The following SSR1 variants were observed in gnomAD, a reference collection of about 807,000 sequenced individuals.
The protein encoded by SSR1 is translocon-associated protein subunit alpha.
Under a neutral mutation model 36.1 loss-of-function variants are expected in SSR1, and 13 were observed. The observed-to-expected ratio is 0.36, with a 90% CI of 0.23 to 0.57. The LOEUF (loss-of-function observed/expected upper bound fraction) is 0.57. Among genes scored for constraint, SSR1 ranks in the 20% least tolerant of loss-of-function variants. The pLI is 0.81. For missense variants in SSR1, 291 were observed against 338.5 expected, an observed-to-expected ratio of 0.86 and a Z score of 1.10; for synonymous variants, 113 against 118.9, an observed-to-expected ratio of 0.95 and a Z score of 0.32.
At chr6:7,293,677 G>A (rs1217358587) in intron 7 of SSR1, among the ~76,000 whole-genome samples, 1 of 152,126 alleles carries the variant, frequency 6.6e-6, no homozygotes, top group Non-Finnish European at 1.5e-5. Flanking sequence ...GCCTCCCAAA[G>A]TGCTGGGATT....
Position 7,313,122 on chromosome 6 carries a change from G to C in SSR1, c.-2C>G. 1 of 1,603,172 alleles carries C rather than the reference G, an allele frequency of 6.2e-7. No homozygotes were observed. Among genetic ancestry groups the C allele is most frequent in the Non-Finnish European group, 8.5e-7 (1 of 1,174,696 alleles). ...CAGCAAGCGGGGGAGGAGTCTCATG[G>C]CGCTGCCGGTCCAGTGTCCAGTTTC... On this transcript the variant is annotated 5_prime_UTR_variant, in exon 1 of 8. Coordinates refer to ENST00000244763, the MANE Select transcript of SSR1 (RefSeq NM_003144.5).
intron 7 of SSR1, among the ~76,000 whole-genome samples, chr6:7,292,209 C>A (rs1561829515): frequency 6.6e-6 from 1 of 152,204 alleles, no homozygotes; most frequent in Admixed American, 6.6e-5. Flanking sequence ...ATCTGGGAGT[C>A]CCAAAGGTTT....
intron 1 of SSR1, among the ~76,000 whole-genome samples, chr6:7,311,530 C>T (rs1189019072): frequency 6.6e-6 from 1 of 152,190 alleles, no homozygotes; most frequent in Non-Finnish European, 1.5e-5. Context: ...GATTTCACTG[C>T]CTGCTGAACA....
chr6:7,298,482 G>C (rs1047371089), intron 5 of SSR1: 3 of 410,132 alleles, frequency 7.3e-6, no homozygotes, highest in Non-Finnish European at 1.3e-5. Flanking sequence ...TTATAAGCAT[G>C]AGGTAGAAAA....
intron 2 of SSR1, among the ~76,000 whole-genome samples, chr6:7,308,863 A>C (rs541710599): frequency 6.5e-4 from 99 of 152,364 alleles, no homozygotes; most frequent in African/African-American, 2.2e-3. Flanking sequence ...GAATAAAAAC[A>C]GAGTAAAAGC....
At chr6:7,293,399 C>T (rs1012423295) in intron 7 of SSR1, among the ~76,000 whole-genome samples, 6 of 151,902 alleles carry the variant, frequency 3.9e-5, no homozygotes, top group Non-Finnish European at 4.4e-5. Flanking sequence ...TATGCCTCTG[C>T]GTCCTCAGAG....
intron 4 of SSR1, among the ~76,000 whole-genome samples, chr6:7,299,555 G>A (rs1210637089): frequency 6.6e-6 from 1 of 151,960 alleles, no homozygotes; most frequent in Non-Finnish European, 1.5e-5. Context: ...AAAATTAGCC[G>A]GGTATGGTTG....
chr6:7,303,136 C>CT (rs1561833500), intron 3 of SSR1, among the ~76,000 whole-genome samples: 2 of 25,880 alleles, frequency 7.7e-5, no homozygotes, highest in Non-Finnish European at 1.2e-4. Context: ...GAGACTACAT[C>CT]TTAAAAAAAA....
Position 7,289,871 on chromosome 6 carries a change from T to C in SSR1, c.854A>G (p.Asp285Gly). 6.4e-7 allele frequency: 1 copy of C among 1,567,058 alleles called. No homozygotes were observed. Among genetic ancestry groups the C allele is most frequent in the Non-Finnish European group, 8.6e-7 (1 of 1,163,896 alleles). ...KRAQKRSVGS[D>G]E The stretch of plus-strand genomic sequence containing the variant: ...TGTTGCACAAAGGAACATTTACTCA[T>C]CAGATCCCACTGATCTCTTCTGTGC... Residue 285 changes from aspartate to glycine, a missense_variant, in exon 8 of 8, where the codon GAT becomes GGT. Physicochemically the swap from Asp to Gly is moderately conservative, Grantham distance 94. Transcript: ENST00000244763.
At chr6:7,298,650 C>G in intron 5 of SSR1, 97 bp downstream of exon 5, 1 of 858,138 alleles carries the variant, frequency 1.2e-6, no homozygotes, top group South Asian at 1.5e-5. Context: ...ACAGTTCATT[C>G]CATCGTCAAC....
chr6:7,309,343 T>G (rs1758137369), intron 2 of SSR1, among the ~76,000 whole-genome samples: 1 of 152,152 alleles, frequency 6.6e-6, no homozygotes, highest in Non-Finnish European at 1.5e-5. Context: ...ATGACGGTAG[T>G]CCTAGCTACT....
At chr6:7,301,796 A>G (rs1465283083) in intron 3 of SSR1, among the ~76,000 whole-genome samples, 1 of 152,182 alleles carries the variant, frequency 6.6e-6, no homozygotes, top group Non-Finnish European at 1.5e-5. Context: ...TAAGCATTCA[A>G]TAAGCGTCTC....
intron 1 of SSR1, among the ~76,000 whole-genome samples, chr6:7,310,806 G>C (rs564130743): frequency 2.6e-5 from 4 of 152,290 alleles, no homozygotes; most frequent in Admixed American, 6.5e-5. Context: ...AGCTACTCCA[G>C]AGGCTGAGGC....
chr6:7,301,387 A>G lies in SSR1; in HGVS notation c.466T>C (p.Tyr156His). The change falls in exon 4 of 8, where the codon TAC (tyrosine) becomes CAC (histidine). Residue 156 changes from tyrosine to histidine, a missense_variant. Physicochemically the swap from Tyr to His is moderately conservative, Grantham distance 83 (BLOSUM62 2). Coordinates refer to ENST00000244763, the MANE Select transcript of SSR1 (RefSeq NM_003144.5). ...ATGGGCTCTGCAGGAATGAAAGAGT[A>G]CTCAAAAGTTGCCTGTCTCTGGGGT... is the stretch of plus-strand genomic sequence containing the variant. ...VPPQRQATFE[Y>H]SFIPAEPMGG... The G allele has an allele frequency of 6.2e-7, 1 of 1,614,210 alleles. No individual in the cohort carries two copies. Among genetic ancestry groups the G allele is most frequent in the Admixed American group, 1.7e-5 (1 of 60,024 alleles).
At chr6:7,298,661 A>G (rs1412013334) in intron 5 of SSR1, 86 bp downstream of exon 5, 6 of 988,910 alleles carry the variant, frequency 6.1e-6, no homozygotes, top group Non-Finnish European at 9.6e-6. Flanking sequence ...CATCGTCAAC[A>G]TCTAAAACAA....
Position 7,284,816 on chromosome 6 carries a change from G to A in SSR1, c.*5048C>T, listed in dbSNP as rs1410606519. 1 of 151,722 alleles carries A rather than the reference G, an allele frequency of 6.6e-6. No homozygotes were observed. The highest frequency in any genetic ancestry group is 1.5e-5 in the Non-Finnish European group (1 of 67,976). The allele number at this position is 151,722 out of a possible 1,614,324, so 9.4% of individuals were successfully genotyped here. On this transcript the variant is annotated 3_prime_UTR_variant, in exon 8 of 8. Coordinates refer to ENST00000244763, the MANE Select transcript of SSR1 (RefSeq NM_003144.5). ...TAAGGGTTTGTAGGTCACAGAATCA[G>A]ACTATTTAGGGCTGATACTTCAAGC...
chr6:7,297,334 G>A (rs1229265947), intron 6 of SSR1: 2 of 160,454 alleles, frequency 1.2e-5, no homozygotes, highest in African/African-American at 4.8e-5. Context: ...TGAGTTTAGG[G>A]AATAAAAATT....
intron 7 of SSR1, among the ~76,000 whole-genome samples, chr6:7,293,579 T>C (rs983357958): frequency 1.3e-5 from 2 of 151,970 alleles, no homozygotes; most frequent in African/African-American, 4.8e-5. Context: ...ACACATGTAT[T>C]TTTTTTTCAT....
At chr6:7,298,697 TCTTA>T (rs1366886185) in intron 5 of SSR1, 46 bp downstream of exon 5, 4 of 1,395,332 alleles carry the variant, frequency 2.9e-6, no homozygotes, top group Non-Finnish European at 4.1e-6. Context: ...AGCTTTCCAG[TCTTA>T]CTTTACGAGC....
Sources: allele counts gnomAD v4.1 joint callset (sites outside exome capture counted in the v4.1 genomes callset), GRCh38; gene constraint gnomAD v4.1.1; transcripts MANE v1.5; gene names NCBI Gene and HGNC (gene_info 2026-07-23, HGNC 2026-07-21).